The following DENND2B variants were observed in gnomAD, a reference collection of about 807,000 sequenced individuals.
DENND2B encodes the protein DENN domain-containing protein 2B.
A neutral mutation model predicts 116.0 loss-of-function variants in DENND2B; 32 were observed. That is an observed-to-expected ratio of 0.28 (90% CI 0.21 to 0.37). The LOEUF (loss-of-function observed/expected upper bound fraction) is 0.37, where lower values mean the gene tolerates loss of function less well. Ranked by LOEUF, DENND2B falls within the 10% of genes least tolerant of loss-of-function variation. The pLI is 1.00. For missense variants in DENND2B, 1,276 were observed against 1,477.7 expected (o/e 0.86, Z 2.24); for synonymous variants, 588 against 583.9 (o/e 1.01, Z -0.10).
In DENND2B at chr11:8,697,898, C is replaced by T. The variant is rs866695958; in HGVS notation, c.2941-262G>A. On this transcript the variant is annotated intron_variant, in intron 16 of 19. Coordinates refer to ENST00000313726, the MANE Select transcript of DENND2B (RefSeq NM_213618.2). ...AATCCCAACACTTTGGAAGGCTGAGCGGGAGGATCGCTTGAGCCCAGGAGG... is the reference window on the plus strand; with the variant it reads ...AATCCCAACACTTTGGAAGGCTGAGTGGGAGGATCGCTTGAGCCCAGGAGG... 9.3e-5 allele frequency: 48 copies of T among 514,306 alleles called. 2 individuals are homozygous for T. The Middle Eastern group carries it at 2.7e-3, about 28-fold the overall frequency. 31.9% of individuals were successfully genotyped at this position (514,306 alleles called of 1,614,324 possible).
At chr11:8,886,134 C>G (rs2063958117) in intron 1 of DENND2B, among the ~76,000 whole-genome samples, 1 of 151,982 alleles carries the variant, frequency 6.6e-6, no homozygotes, top group Non-Finnish European at 1.5e-5. Flanking sequence ...AAGGTCTCAC[C>G]ATGTTGTCCA....
chr11:8,910,270 C>A (rs1231951484), intron 1 of DENND2B, among the ~76,000 whole-genome samples: 1 of 151,698 alleles, frequency 6.6e-6, no homozygotes. Flanking sequence ...CCGAGCTGTT[C>A]CCTTCTCCAA....
intron 19 of DENND2B, among the ~76,000 whole-genome samples, 192 bp from the exon 20 acceptor site, chr11:8,694,322 G>A (rs918518702): frequency 6.6e-6 from 1 of 152,158 alleles, no homozygotes; most frequent in Non-Finnish European, 1.5e-5. Context: ...TAATCACTGT[G>A]TGGTTTTACG....
chr11:8,834,649 T>C (rs971906102), intron 4 of DENND2B, among the ~76,000 whole-genome samples: 12 of 152,204 alleles, frequency 7.9e-5, no homozygotes, highest in Non-Finnish European at 1.8e-4. Context: ...CCGGAAGCCC[T>C]TGGAAGCACT....
At chr11:8,699,051 C>G in intron 15 of DENND2B, 77 bp from the exon 16 acceptor site, 1 of 1,584,576 alleles carries the variant, frequency 6.3e-7, no homozygotes, top group Non-Finnish European at 8.6e-7. Context: ...CCAGACCTCC[C>G]AGGTTCCCAG....
intron 2 of DENND2B, among the ~76,000 whole-genome samples, chr11:8,736,780 G>A (rs570039017): frequency 2.0e-5 from 3 of 152,276 alleles, no homozygotes; most frequent in South Asian, 2.1e-4. Context: ...GGCTGGAGAT[G>A]AGCCTGAGAG....
chr11:8,763,940 G>A (rs1040075045), intron 1 of DENND2B, among the ~76,000 whole-genome samples: 2 of 151,940 alleles, frequency 1.3e-5, no homozygotes, highest in African/African-American at 4.8e-5. Flanking sequence ...AAGCAGTAGA[G>A]AGGCCAGGTG....
intron 2 of DENND2B, among the ~76,000 whole-genome samples, chr11:8,733,161 A>T (rs539001248): frequency 6.6e-4 from 101 of 152,352 alleles, no homozygotes; most frequent in African/African-American, 2.4e-3. Flanking sequence ...GGAGGTGTGA[A>T]CAGAGTAAGC....
intron 4 of DENND2B, among the ~76,000 whole-genome samples, chr11:8,837,637 C>T (rs1287930304): frequency 1.3e-5 from 2 of 152,182 alleles, no homozygotes; most frequent in African/African-American, 2.4e-5. Context: ...TGAGTCACCA[C>T]ATCCAGCCGT....
At chr11:8,793,969 T>C (rs1255161886) in intron 1 of DENND2B, among the ~76,000 whole-genome samples, 1 of 152,120 alleles carries the variant, frequency 6.6e-6, no homozygotes, top group Non-Finnish European at 1.5e-5. Context: ...AGGATGTTAG[T>C]TTAAATATAT....
At chr11:8,817,017 G>GA (rs1286904408) in intron 4 of DENND2B, among the ~76,000 whole-genome samples, 4 of 151,786 alleles carry the variant, frequency 2.6e-5, no homozygotes, top group Non-Finnish European at 4.4e-5. Context: ...TTTTTTAGAA[G>GA]AAAAAAAATG....
At chr11:8,800,657 G>A (rs550711701) in intron 1 of DENND2B, among the ~76,000 whole-genome samples, 2 of 152,118 alleles carry the variant, frequency 1.3e-5, no homozygotes, top group African/African-American at 4.8e-5. Flanking sequence ...CCCATAAATT[G>A]GCACTGTTGA....
intron 19 of DENND2B, among the ~76,000 whole-genome samples, chr11:8,695,156 A>G (rs943673565): frequency 9.2e-5 from 14 of 152,234 alleles, no homozygotes; most frequent in Non-Finnish European, 1.8e-4. Flanking sequence ...GTATATGGGA[A>G]GATGTGCACA....
intron 1 of DENND2B, among the ~76,000 whole-genome samples, chr11:8,765,784 T>G (rs2055623385): frequency 2.0e-5 from 3 of 152,166 alleles, no homozygotes; most frequent in Admixed American, 6.5e-5. Flanking sequence ...ACCCCTGTAA[T>G]CCTAGTACTT....
At chr11:8,907,843 G>A (rs2064258384) in intron 1 of DENND2B, among the ~76,000 whole-genome samples, 1 of 152,032 alleles carries the variant, frequency 6.6e-6, no homozygotes, top group Non-Finnish European at 1.5e-5. Context: ...CTACAGGTAT[G>A]AGCCACCATG....
upstream of DENND2B, among the ~76,000 whole-genome samples, chr11:8,874,752 TC>T (rs2063824408): frequency 6.7e-6 from 1 of 148,670 alleles, no homozygotes; most frequent in Non-Finnish European, 1.5e-5. Flanking sequence ...GAGACCCCAG[TC>T]TTTAAAAAAA....
At chr11:8,718,303 C>T in intron 4 of DENND2B, 9 of 1,456,732 alleles carry the variant, frequency 6.2e-6, no homozygotes, top group Non-Finnish European at 7.4e-6. Flanking sequence ...GAAGGGTTTT[C>T]AGGTCACATG....
chr11:8,897,265 AAACT>A (rs767325319), intron 1 of DENND2B, among the ~76,000 whole-genome samples: 67 of 152,138 alleles, frequency 4.4e-4, no homozygotes, highest in Admixed American at 6.5e-4. Flanking sequence ...TCAAACAAAC[AAACT>A]AACTAACTAA....
chr11:8,736,281 G>A lies in DENND2B; in HGVS notation c.81-5072C>T, dbSNP rs1044662858. On this transcript the variant is annotated intron_variant, in intron 2 of 19. Coordinates refer to ENST00000313726, the MANE Select transcript of DENND2B (RefSeq NM_213618.2). ...TGGGAGGACTGCTAGAGCCTGGGAG[G>A]TCAAGGCTGCAGCAAGCCACAATCA... Among the ~76,000 whole-genome samples, 3 of 152,024 alleles carry A rather than the reference G, an allele frequency of 2.0e-5. No individual in the cohort carries two copies. In the South Asian group the frequency reaches 6.2e-4, roughly 32 times the overall value.
Sources: allele counts gnomAD v4.1 joint callset (sites outside exome capture counted in the v4.1 genomes callset), GRCh38; gene constraint gnomAD v4.1.1; transcripts MANE v1.5; gene names NCBI Gene and HGNC (gene_info 2026-07-23, HGNC 2026-07-21).